The following ZBTB20 variants were observed in gnomAD, a reference collection of about 807,000 sequenced individuals.
ZBTB20 encodes zinc finger and BTB domain containing 20.
In ZBTB20, 9 loss-of-function variants were observed where a neutral mutation model predicts 56.9. The observed-to-expected ratio is 0.16, with a 90% CI of 0.10 to 0.28. The LOEUF is 0.28. Among genes scored for constraint, ZBTB20 ranks in the 10% least tolerant of loss-of-function variants. ZBTB20 has a pLI of 1.00. For missense variants in ZBTB20, 655 were observed against 1,003.0 expected, an observed-to-expected ratio of 0.65 and a Z score of 4.69; for synonymous variants, 417 against 420.7, an observed-to-expected ratio of 0.99 and a Z score of 0.11.
At chr3:114,654,958 C>T (rs1012095268) in intron 6 of ZBTB20, among the ~76,000 whole-genome samples, 1 of 152,068 alleles carries the variant, frequency 6.6e-6, no homozygotes, top group Non-Finnish European at 1.5e-5. Flanking sequence ...ATATTCCAAC[C>T]TAGCTTTCTC....
intron 7 of ZBTB20, among the ~76,000 whole-genome samples, chr3:114,499,852 A>T (rs2109644508): frequency 6.6e-6 from 1 of 152,184 alleles, no homozygotes; most frequent in Middle Eastern, 3.4e-3. Flanking sequence ...ATAATTTTGC[A>T]CAAAAGTTTA....
At position 114,651,589 on chromosome 3, in the gene ZBTB20, C is replaced by T. The variant is rs144456636; in HGVS notation, c.-295+41939G>A. On this transcript the variant is annotated intron_variant, in intron 6 of 11. Coordinates refer to ENST00000675478, the MANE Select transcript of ZBTB20 (RefSeq NM_001348800.3). Reference sequence around the variant, plus strand: ...AAAAAAAAAGGAAAAACGAAAAAGTCCTGACATTCTTTGAAGTTTTAAACC... The same window carrying T: ...AAAAAAAAAGGAAAAACGAAAAAGTTCTGACATTCTTTGAAGTTTTAAACC... Among the ~76,000 whole-genome samples, 9 of 147,474 alleles carry T rather than the reference C, an allele frequency of 6.1e-5. No homozygotes were observed. The East Asian group carries it at 1.6e-3, about 26-fold the overall frequency.
chr3:114,828,060 G>T (rs2073636982), intron 4 of ZBTB20, among the ~76,000 whole-genome samples: 2 of 151,476 alleles, frequency 1.3e-5, no homozygotes, highest in Non-Finnish European at 3.0e-5. Context: ...ATCTATTTTT[G>T]CAAATATATG....
chr3:114,480,302 G>GC (rs1025189871), intron 7 of ZBTB20, among the ~76,000 whole-genome samples: 1 of 151,892 alleles, frequency 6.6e-6, no homozygotes, highest in Non-Finnish European at 1.5e-5. Flanking sequence ...TTTTTCAGAT[G>GC]CTTTTTTTGA....
chr3:114,625,525 T>C (rs2058608661), intron 6 of ZBTB20, among the ~76,000 whole-genome samples: 1 of 152,132 alleles, frequency 6.6e-6, no homozygotes, highest in Non-Finnish European at 1.5e-5. Flanking sequence ...GTCTGATATC[T>C]CAAAGGTGTA....
chr3:114,455,027 G>A (rs1001290813), intron 7 of ZBTB20, among the ~76,000 whole-genome samples: 89 of 144,916 alleles, frequency 6.1e-4, no homozygotes, highest in African/African-American at 2.2e-3. Flanking sequence ...GACTGAGAGA[G>A]AGGAAGAGAG....
intron 4 of ZBTB20, among the ~76,000 whole-genome samples, chr3:114,896,088 G>A (rs1423400605): frequency 6.6e-6 from 1 of 152,110 alleles, no homozygotes; most frequent in Non-Finnish European, 1.5e-5. Context: ...CAGTAGATGT[G>A]TTCTTGCTAA....
intron 7 of ZBTB20, among the ~76,000 whole-genome samples, chr3:114,488,479 T>C (rs2042383084): frequency 6.6e-6 from 1 of 152,234 alleles, no homozygotes; most frequent in Admixed American, 6.5e-5. Flanking sequence ...TTAAAATACA[T>C]GTATTTTTTA....
intron 7 of ZBTB20, among the ~76,000 whole-genome samples, chr3:114,490,019 T>G (rs2042560736): frequency 6.6e-6 from 1 of 152,156 alleles, no homozygotes; most frequent in Admixed American, 6.5e-5. Context: ...GCACCTGGAA[T>G]TTATAATTAA....
At chr3:114,589,430 C>T (rs2055518110) in intron 6 of ZBTB20, among the ~76,000 whole-genome samples, 1 of 152,174 alleles carries the variant, frequency 6.6e-6, no homozygotes. Flanking sequence ...CATTTGGATG[C>T]AGGTAGTACT....
At chr3:114,959,689 CCACA>C (rs749179978) in intron 3 of ZBTB20, among the ~76,000 whole-genome samples, 2 of 146,126 alleles carry the variant, frequency 1.4e-5, no homozygotes, top group Admixed American at 1.4e-4. Flanking sequence ...TACACACACA[CCACA>C]CACACACACA....
chr3:114,609,544 T>C, intron 6 of ZBTB20, among the ~76,000 whole-genome samples: 1 of 152,174 alleles, frequency 6.6e-6, no homozygotes, highest in East Asian at 1.9e-4. Flanking sequence ...AAAAAAACTC[T>C]TTTTCCTCAT....
intron 2 of ZBTB20, among the ~76,000 whole-genome samples, chr3:115,012,987 A>C (rs2079785954): frequency 6.6e-6 from 1 of 151,852 alleles, no homozygotes; most frequent in Admixed American, 6.6e-5. Flanking sequence ...TGAGTAAATT[A>C]AGAAGGAAAC....
At chr3:114,919,723 C>G (rs2075885821) in intron 3 of ZBTB20, among the ~76,000 whole-genome samples, 1 of 150,782 alleles carries the variant, frequency 6.6e-6, no homozygotes, top group Non-Finnish European at 1.5e-5. Context: ...AAAAGAACTA[C>G]AAAACAGTCA....
intron 5 of ZBTB20, among the ~76,000 whole-genome samples, chr3:114,709,195 G>A (rs2063897404): frequency 6.6e-6 from 1 of 152,038 alleles, no homozygotes. Context: ...TTTCAATTCA[G>A]CCTCCATAGT....
At chr3:114,550,659 C>T (rs1286803533) in intron 6 of ZBTB20, among the ~76,000 whole-genome samples, 4 of 152,130 alleles carry the variant, frequency 2.6e-5, no homozygotes, top group Admixed American at 2.6e-4. Flanking sequence ...TTTTCTGGTT[C>T]CATTCTTGAT....
At chr3:114,696,040 A>G (rs2062992276) in intron 5 of ZBTB20, among the ~76,000 whole-genome samples, 1 of 152,130 alleles carries the variant, frequency 6.6e-6, no homozygotes, top group Non-Finnish European at 1.5e-5. Flanking sequence ...GTCATTATTC[A>G]TATTAAGATC....
intron 10 of ZBTB20, among the ~76,000 whole-genome samples, chr3:114,376,509 A>C (rs1450840489): frequency 6.6e-6 from 1 of 152,220 alleles, no homozygotes; most frequent in Non-Finnish European, 1.5e-5. Context: ...TGTACTAAAA[A>C]TTTTAATCAC....
At chr3:115,062,952 C>A (rs1465615566) in intron 2 of ZBTB20, among the ~76,000 whole-genome samples, 3 of 152,100 alleles carry the variant, frequency 2.0e-5, no homozygotes, top group Non-Finnish European at 4.4e-5. Flanking sequence ...ATGATTATAC[C>A]TACCAAACCA....
Sources: gnomAD v4.1 joint callset for allele counts (sites outside exome capture counted in the v4.1 genomes callset) on GRCh38, gnomAD v4.1.1 for gene constraint, MANE v1.5 for transcripts, NCBI Gene and HGNC (gene_info 2026-07-23, HGNC 2026-07-21) for gene names.